RFFL: variants seen among roughly 807,000 people sequenced by gnomAD.
RFFL encodes E3 ubiquitin-protein ligase rififylin.
Under a neutral mutation model 40.4 loss-of-function variants are expected in RFFL, and 16 were observed. The ratio of observed to expected loss-of-function variants is 0.40; its 90% CI spans 0.27 to 0.60. The LOEUF is 0.60. Ranked by LOEUF, RFFL falls within the 20% of genes least tolerant of loss-of-function variation. RFFL has a pLI of 0.47. For synonymous variants in RFFL, 154 were observed against 167.9 expected, an observed-to-expected ratio of 0.92 and a Z score of 0.64; for missense variants, 367 against 451.7, an observed-to-expected ratio of 0.81 and a Z score of 1.70.
chr17:35,069,683 C>T (rs1200020456), intron 1 of RFFL: 1 of 171,594 alleles, frequency 5.8e-6, no homozygotes, highest in East Asian at 1.7e-4. Flanking sequence ...ATCATAAAAT[C>T]AGCCTTGCAT....
Position 35,021,547 on chromosome 17 carries a change from C to A in RFFL, c.415G>T (p.Val139Leu). The stretch of plus-strand genomic sequence containing the variant: ...CGAGTCCTGTCCTCCTGGGAGATTA[C>A]AGGCTGCTGGCCAAGGACCAAGAGC... ...LVLLVLGQQP[V>L]ISQEDRTRAS... The change falls in exon 3 of 7, where the codon GTA (valine) becomes TTA (leucine). Residue 139 changes from valine (V) to leucine (L), a missense_variant. By Grantham distance (32) the Val-to-Leu change is conservative. Coordinates refer to ENST00000394597, the MANE Select transcript of RFFL (RefSeq NM_001017368.2). The A allele has an allele frequency of 6.2e-7, 1 of 1,613,830 alleles. No homozygotes were observed. Among genetic ancestry groups the A allele is most frequent in the Non-Finnish European group, 8.5e-7 (1 of 1,179,842 alleles).
chr17:35,049,491 C>T (rs2091219616), intron 1 of RFFL, among the ~76,000 whole-genome samples: 1 of 152,126 alleles, frequency 6.6e-6, no homozygotes, highest in Admixed American at 6.6e-5. Context: ...GCAGATTTCA[C>T]AGTAGGAAGC....
intron 1 of RFFL, among the ~76,000 whole-genome samples, chr17:35,047,723 G>C (rs1240548835): frequency 6.6e-6 from 1 of 151,140 alleles, no homozygotes; most frequent in Non-Finnish European, 1.5e-5. Flanking sequence ...GATTAGCTGG[G>C]ACTACAAGCG....
In RFFL at chr17:35,007,086, AAAC is replaced by A. The variant is rs1381865721; in HGVS notation, c.*4879_*4881del. Reference sequence around the variant, plus strand: ...TTCTCTCTTCAGCCTCAGGCCAAACAAACAACCGGACAGGGCAGCAGAACAAGG... The same window carrying A: ...TTCTCTCTTCAGCCTCAGGCCAAACAAACCGGACAGGGCAGCAGAACAAGG... On this transcript the variant is annotated 3_prime_UTR_variant, in exon 7 of 7. Coordinates refer to ENST00000394597, the MANE Select transcript of RFFL (RefSeq NM_001017368.2). 2 of 152,258 alleles carry A rather than the reference AAAC, an allele frequency of 1.3e-5. No individual in the cohort carries two copies. Among genetic ancestry groups the A allele is most frequent in the Admixed American group, 1.3e-4 (2 of 15,278 alleles). 9.4% of individuals were successfully genotyped at this position (152,258 alleles called of 1,614,324 possible).
intron 1 of RFFL, among the ~76,000 whole-genome samples, chr17:35,049,949 G>A (rs1405943313): frequency 6.6e-6 from 1 of 152,148 alleles, no homozygotes; most frequent in Non-Finnish European, 1.5e-5. Context: ...AGGCATGGTG[G>A]TGGGCACCTG....
At chr17:35,023,204 A>G (rs953430680) in intron 2 of RFFL, among the ~76,000 whole-genome samples, 3 of 152,268 alleles carry the variant, frequency 2.0e-5, no homozygotes, top group Non-Finnish European at 4.4e-5. Flanking sequence ...TTCGAAATAT[A>G]GAAAGATATT....
At chr17:35,062,727 T>C (rs765236851) in intron 1 of RFFL, among the ~76,000 whole-genome samples, 1 of 152,090 alleles carries the variant, frequency 6.6e-6, no homozygotes, top group Non-Finnish European at 1.5e-5. Flanking sequence ...CGTGGGCAAT[T>C]TGTTGGAATT....
At chr17:35,065,507 G>A (rs2091315919), upstream of RFFL, among the ~76,000 whole-genome samples, 1 of 145,766 alleles carries the variant, frequency 6.9e-6, no homozygotes, top group Non-Finnish European at 1.5e-5. Context: ...AGTCAGCCAA[G>A]ATTGTGCCAT....
chr17:35,081,626 T>C (rs1034702708), intron 1 of RFFL, among the ~76,000 whole-genome samples: 12 of 152,128 alleles, frequency 7.9e-5, no homozygotes, highest in Admixed American at 5.9e-4. Flanking sequence ...ATTAATTATA[T>C]AAAGAGAGAG....
At chr17:35,022,874 A>AG (rs1216463060) in intron 2 of RFFL, among the ~76,000 whole-genome samples, 1 of 152,094 alleles carries the variant, frequency 6.6e-6, no homozygotes, top group Non-Finnish European at 1.5e-5. Flanking sequence ...AGAGTGTCTC[A>AG]GTTAGGCAAC....
intron 1 of RFFL, among the ~76,000 whole-genome samples, chr17:35,027,296 A>G (rs2091048197): frequency 6.6e-6 from 1 of 152,216 alleles, no homozygotes; most frequent in African/African-American, 2.4e-5. Context: ...ATTTTCTACT[A>G]CTAAGCCATA....
intron 1 of RFFL, among the ~76,000 whole-genome samples, chr17:35,053,268 C>T (rs1221197827): frequency 6.6e-6 from 1 of 152,034 alleles, no homozygotes; most frequent in African/African-American, 2.4e-5. Flanking sequence ...GAGTATCTTC[C>T]AAACCAAAAG....
At chr17:35,051,435 A>AAC (rs2091231158) in intron 1 of RFFL, among the ~76,000 whole-genome samples, 2 of 152,186 alleles carry the variant, frequency 1.3e-5, no homozygotes, top group Non-Finnish European at 2.9e-5. Flanking sequence ...ACCTTCAACA[A>AAC]GTAGGTAACC....
intron 1 of RFFL, among the ~76,000 whole-genome samples, chr17:35,038,068 A>G (rs1467911210): frequency 6.6e-6 from 1 of 152,140 alleles, no homozygotes; most frequent in Non-Finnish European, 1.5e-5. Flanking sequence ...CGGACGGATC[A>G]CCTGAGGTCA....
intron 1 of RFFL, among the ~76,000 whole-genome samples, chr17:35,074,767 A>G (rs2091367885): frequency 6.6e-6 from 1 of 152,248 alleles, no homozygotes; most frequent in Non-Finnish European, 1.5e-5. Flanking sequence ...GAAGTATCAC[A>G]TAGCAAAAGA....
intron 1 of RFFL, among the ~76,000 whole-genome samples, chr17:35,040,574 A>C (rs1197274180): frequency 6.6e-6 from 1 of 151,076 alleles, no homozygotes; most frequent in African/African-American, 2.4e-5. Flanking sequence ...CTGCACTCCA[A>C]CCTGGGCGAC....
At chr17:35,049,652 A>G (rs1283221749) in intron 1 of RFFL, among the ~76,000 whole-genome samples, 1 of 152,264 alleles carries the variant, frequency 6.6e-6, no homozygotes, top group Non-Finnish European at 1.5e-5. Context: ...TGCAGCCTCC[A>G]GTACTCAAAG....
At chr17:35,043,870 A>G (rs894986682) in intron 1 of RFFL, among the ~76,000 whole-genome samples, 3 of 152,242 alleles carry the variant, frequency 2.0e-5, no homozygotes, top group African/African-American at 7.2e-5. Context: ...AGTATAATAC[A>G]TAGAAAAACC....
rs1318085297 is a variant in RFFL, at chr17:35,007,897, T to C, written c.*4071A>G. The C allele has an allele frequency of 6.6e-6, 1 of 152,130 alleles. No individual in the cohort carries two copies. The highest frequency in any genetic ancestry group is 2.4e-5 in the African/African-American group (1 of 41,418). The allele number at this position is 152,130 out of a possible 1,614,324, so 9.4% of individuals were successfully genotyped here. A position where few individuals can be genotyped will look rare whatever the true frequency, so the allele number is the denominator to read the frequency against. On this transcript the variant is annotated 3_prime_UTR_variant, in exon 7 of 7. Transcript: ENST00000394597. ...TTAACAAACAGGCACACACCATCACTCGCAGCTAAGTTTTTGTATTTTTAG... is the reference window on the plus strand; with the variant it reads ...TTAACAAACAGGCACACACCATCACCCGCAGCTAAGTTTTTGTATTTTTAG...
Sources: allele counts gnomAD v4.1 joint callset (sites outside exome capture counted in the v4.1 genomes callset), GRCh38; gene constraint gnomAD v4.1.1; transcripts MANE v1.5; gene names NCBI Gene and HGNC (gene_info 2026-07-23, HGNC 2026-07-21).